SLC25A26: variants seen among roughly 807,000 people sequenced by gnomAD.
SLC25A26 encodes the protein solute carrier family 25 member 26, also known as mitochondrial S-adenosylmethionine carrier protein.
Under a neutral mutation model 37.8 loss-of-function variants are expected in SLC25A26, and 36 were observed. That is an observed-to-expected ratio of 0.95 (90% CI 0.73 to 1.26). SLC25A26 has a LOEUF of 1.26. Ranked by LOEUF, SLC25A26 falls within the 50% of genes most tolerant of loss-of-function variation. The pLI is 0.00. For missense variants in SLC25A26, 390 were observed against 331.1 expected, an observed-to-expected ratio of 1.18 and a Z score of -1.38; for synonymous variants, 129 against 122.5, an observed-to-expected ratio of 1.05 and a Z score of -0.35.
rs2071232957 is a variant in SLC25A26, at chr3:66,209,087, GATGTATATATATA to G, written c.-353-11654_-353-11642del. Among the ~76,000 whole-genome samples, 22 of 39,966 alleles carry G rather than the reference GATGTATATATATA, an allele frequency of 5.5e-4. 1 individual carries two copies. Among genetic ancestry groups the G allele is most frequent in the African/African-American group, 2.2e-3 (18 of 8,344 alleles). The allele number at this position is 39,966 out of a possible 152,430, so 26.2% of individuals were successfully genotyped here. On this transcript the variant is annotated intron_variant, in intron 1 of 10. Transcript: ENST00000676754. ...ATATACACACACACACCCATATAAA[GATGTATATATATA>G]TATATATATATATACACAAAAAGAT... is the stretch of plus-strand genomic sequence containing the variant.
chr3:66,257,358 TA>T (rs572544912), intron 3 of SLC25A26, among the ~76,000 whole-genome samples: 1 of 150,966 alleles, frequency 6.6e-6, no homozygotes, highest in Admixed American at 6.6e-5. Flanking sequence ...TAAAATGAAT[TA>T]AAAAAAAAGA....
chr3:66,311,094 G>T (rs7631786), intron 5 of SLC25A26, among the ~76,000 whole-genome samples: 34,059 of 151,922 alleles, frequency 0.22, 4,425 homozygotes, highest in African/African-American at 0.36. Flanking sequence ...GTTTTCCAAC[G>T]TGGTTCCATT....
intron 5 of SLC25A26, among the ~76,000 whole-genome samples, chr3:66,282,870 C>G (rs1166849017): frequency 1.3e-5 from 2 of 152,172 alleles, no homozygotes; most frequent in African/African-American, 4.8e-5. Flanking sequence ...CTACTGCTGG[C>G]AACTTTAGCG....
chr3:66,299,806 C>T (rs1260045106), intron 5 of SLC25A26, among the ~76,000 whole-genome samples: 1 of 152,100 alleles, frequency 6.6e-6, no homozygotes, highest in Non-Finnish European at 1.5e-5. Flanking sequence ...GAGAAACTTC[C>T]ACATGCGGGT....
At chr3:66,178,777 C>T (rs1395796163) in intron 1 of SLC25A26, among the ~76,000 whole-genome samples, 1 of 152,078 alleles carries the variant, frequency 6.6e-6, no homozygotes, top group African/African-American at 2.4e-5. Context: ...TTTTAAACGC[C>T]AGCAAGTAAC....
intron 1 of SLC25A26, among the ~76,000 whole-genome samples, chr3:66,158,172 A>G (rs2070309970): frequency 6.6e-6 from 1 of 152,254 alleles, no homozygotes; most frequent in African/African-American, 2.4e-5. Flanking sequence ...ATTTGAGAGT[A>G]CGGCAGCCTT....
intron 5 of SLC25A26, among the ~76,000 whole-genome samples, chr3:66,280,539 G>A (rs1193062248): frequency 6.6e-6 from 1 of 152,214 alleles, no homozygotes; most frequent in Admixed American, 6.5e-5. Flanking sequence ...AACACTGTTA[G>A]TGGAAGGCAG....
At chr3:66,194,507 C>G (rs2071007487) in intron 1 of SLC25A26, among the ~76,000 whole-genome samples, 3 of 152,198 alleles carry the variant, frequency 2.0e-5, no homozygotes. Flanking sequence ...CTAAAATTAG[C>G]AAAGCTCTCA....
intron 6 of SLC25A26, 164 bp downstream of exon 6, chr3:66,346,572 T>C (rs2076328264): frequency 6.4e-6 from 1 of 157,098 alleles, no homozygotes; most frequent in South Asian, 2.0e-4. Flanking sequence ...TTTCAGCCTT[T>C]TAAACTTGTT....
intron 5 of SLC25A26, among the ~76,000 whole-genome samples, chr3:66,332,027 G>A (rs909049450): frequency 6.6e-6 from 1 of 152,174 alleles, no homozygotes; most frequent in South Asian, 2.1e-4. Context: ...CGCCTCCCAG[G>A]TTCAAGCAAT....
chr3:66,340,729 T>C (rs115536068), intron 5 of SLC25A26, among the ~76,000 whole-genome samples: 68 of 152,258 alleles, frequency 4.5e-4, no homozygotes, highest in African/African-American at 1.6e-3. Flanking sequence ...GATCACTGTT[T>C]TGATTATAGT....
intron 5 of SLC25A26, among the ~76,000 whole-genome samples, chr3:66,340,113 C>A (rs1242876275): frequency 1.3e-5 from 2 of 151,994 alleles, no homozygotes; most frequent in Non-Finnish European, 2.9e-5. Flanking sequence ...AAAAGATTGT[C>A]CTTTCGCTGT....
intron 5 of SLC25A26, among the ~76,000 whole-genome samples, chr3:66,290,268 A>G (rs556783135): frequency 6.6e-6 from 1 of 152,282 alleles, no homozygotes; most frequent in Admixed American, 6.5e-5. Flanking sequence ...AAACAGAGAC[A>G]ATTTGACTTC....
rs139355187 is a variant in SLC25A26 at position 66,242,619 on chromosome 3, G to A, written c.191-584G>A. On this transcript the variant is annotated intron_variant, in intron 2 of 9. Coordinates refer to ENST00000354883, the MANE Select transcript of SLC25A26 (RefSeq NM_001379210.1). ...ACAGTACATAGAAAGTTTTAAAGCC[G>A]TCATATGCAGCTATGATTAGTTCAT... Among the ~76,000 whole-genome samples, 477 of 152,124 alleles carry A rather than the reference G, an allele frequency of 3.1e-3. 3 individuals carry two copies. The highest frequency in any genetic ancestry group is 0.017 in the East Asian group (86 of 5,178).
At chr3:66,296,988 A>G (rs754062126) in intron 5 of SLC25A26, among the ~76,000 whole-genome samples, 17 of 152,328 alleles carry the variant, frequency 1.1e-4, no homozygotes, top group Admixed American at 6.5e-4. Flanking sequence ...TTGTTGTCCA[A>G]TGGTGGAAGC....
rs1053741336 is a variant in SLC25A26 at position 66,175,477 on chromosome 3, G to A, written c.-354+41493G>A. 2.0e-4 allele frequency among the ~76,000 whole-genome samples: 31 copies of A among 152,092 alleles called. 1 individual carries two copies. Among genetic ancestry groups the A allele is most frequent in the Admixed American group, 1.3e-3 (20 of 15,272 alleles). ...TGACCTCAGGTGATTCACCCGCCTC[G>A]GCCTCCCAAAGTGCTGGGATTACAG... is the stretch of plus-strand genomic sequence containing the variant. On this transcript the variant is annotated intron_variant, in intron 1 of 10. Coordinates refer to the SLC25A26 transcript ENST00000676754.
Position 66,222,844 on chromosome 3 carries a change from G to T in SLC25A26, c.33+1717G>T, listed in dbSNP as rs1576653475. Among the ~76,000 whole-genome samples, 3 of 152,224 alleles carry T rather than the reference G, an allele frequency of 2.0e-5. No homozygotes were observed. In the South Asian group the frequency reaches 6.2e-4, roughly 32 times the overall value. ...CAGGTGAGTGCTGCAGTTAACAAAA[G>T]AATGGATTTAGTATATACTTAATTA... On this transcript the variant is annotated intron_variant, in intron 1 of 9. Coordinates refer to ENST00000354883, the MANE Select transcript of SLC25A26 (RefSeq NM_001379210.1).
chr3:66,353,658 A>G (rs2076511092), intron 6 of SLC25A26, among the ~76,000 whole-genome samples: 1 of 152,334 alleles, frequency 6.6e-6, no homozygotes, highest in Admixed American at 6.5e-5. Flanking sequence ...CATGTAGCTT[A>G]GGAAAGCCTG....
chr3:66,294,129 T>A (rs1487006989), intron 5 of SLC25A26, among the ~76,000 whole-genome samples: 1 of 152,224 alleles, frequency 6.6e-6, no homozygotes, highest in Non-Finnish European at 1.5e-5. Flanking sequence ...ATGGCCGTTT[T>A]CACAATATTG....
Sources: allele counts gnomAD v4.1 joint callset (sites outside exome capture counted in the v4.1 genomes callset), GRCh38; gene constraint gnomAD v4.1.1; transcripts MANE v1.5; gene names NCBI Gene and HGNC (gene_info 2026-07-23, HGNC 2026-07-21).